The following IREB2 variants were observed in gnomAD, a reference collection of about 807,000 sequenced individuals.
IREB2 encodes iron-responsive element-binding protein 2.
In IREB2, 39 loss-of-function variants were observed where a neutral mutation model predicts 118.8. The ratio of observed to expected loss-of-function variants is 0.33; its 90% CI spans 0.25 to 0.43. The LOEUF (loss-of-function observed/expected upper bound fraction) is 0.43, where lower values mean the gene tolerates loss of function less well. Ranked by LOEUF, IREB2 falls within the 20% of genes least tolerant of loss-of-function variation. The pLI is 1.00. For synonymous variants in IREB2, 372 were observed against 392.2 expected (o/e 0.95, Z 0.61); for missense variants, 900 against 1,147.3 (o/e 0.78, Z 3.11).
Position 78,473,228 on chromosome 15 carries a change from C to G in IREB2, c.884-14C>G. On this transcript the variant is annotated splice_polypyrimidine_tract_variant and intron_variant, in intron 7 of 21. Transcript: ENST00000258886. ...AAATATACTGTGCTAATATACCTGTCTTTATTACGTTAGGGGTTGGAGGCA... is the reference window on the plus strand; with the variant it reads ...AAATATACTGTGCTAATATACCTGTGTTTATTACGTTAGGGGTTGGAGGCA... 1 of 1,611,524 alleles carries G rather than the reference C, an allele frequency of 6.2e-7. No individual in the cohort carries two copies. Among genetic ancestry groups the G allele is most frequent in the Non-Finnish European group, 8.5e-7 (1 of 1,178,280 alleles).
intron 2 of IREB2, among the ~76,000 whole-genome samples, chr15:78,457,147 A>G (rs2051119456): frequency 6.6e-6 from 1 of 152,114 alleles, no homozygotes. Context: ...TTAGTACTCT[A>G]TGTCCTTATG....
Position 78,485,785 on chromosome 15 carries a change from A to G in IREB2, c.1654A>G (p.Met552Val). 6.2e-7 allele frequency: 1 copy of G among 1,613,906 alleles called. No individual in the cohort carries two copies. Among genetic ancestry groups the G allele is most frequent in the Non-Finnish European group, 8.5e-7 (1 of 1,179,800 alleles). ...IRTSLSPGSGMVTHYLSSSGV... is the reference protein window; with the variant it reads ...IRTSLSPGSGVVTHYLSSSGV... ...AACAAGTTTATCTCCAGGCAGTGGG[A>G]TGGTTACACATTACCTCAGTTCAAG... Residue 552 changes from methionine (M) to valine (V), a missense_variant, in exon 13 of 22, where the codon ATG (methionine) becomes GTG (valine). Physicochemically the swap from Met to Val is conservative, Grantham distance 21 (BLOSUM62 1). Coordinates refer to ENST00000258886, the MANE Select transcript of IREB2 (RefSeq NM_004136.4).
Position 78,483,269 on chromosome 15 carries a change from G to A in IREB2, c.1297-49G>A, listed in dbSNP as rs367906774. The A allele has an allele frequency of 6.2e-5, 54 of 873,946 alleles. No homozygotes were observed. The Middle Eastern group carries it at 1.1e-3, about 18-fold the overall frequency. 54.1% of individuals were successfully genotyped at this position (873,946 alleles called of 1,614,324 possible). The stretch of plus-strand genomic sequence containing the variant: ...AGTAATGCTTCAATTGGAATCTGTC[G>A]TAAGGAATTAATTCTAATTCCTTGT... On this transcript the variant is annotated intron_variant, in intron 10 of 21. Coordinates refer to ENST00000258886, the MANE Select transcript of IREB2 (RefSeq NM_004136.4).
At position 78,438,263 on chromosome 15, in the gene IREB2, C is replaced by A. The variant is rs541886386; in HGVS notation, c.-75C>A. ...CCTTGCCAGTCCGCCTGTCTTCCTC[C>A]CCGTCTTCCCTGCCCGGCCTCCCCC... On this transcript the variant is annotated 5_prime_UTR_variant, in exon 1 of 22. Coordinates refer to ENST00000258886, the MANE Select transcript of IREB2 (RefSeq NM_004136.4). 7 of 1,176,410 alleles carry A rather than the reference C, an allele frequency of 6.0e-6. No homozygotes were observed. Among genetic ancestry groups the A allele is most frequent in the African/African-American group, 3.0e-5 (2 of 66,210 alleles). 72.9% of individuals were successfully genotyped at this position (1,176,410 alleles called of 1,614,324 possible).
At position 78,488,767 on chromosome 15, in the gene IREB2, TAGA is replaced by T. The variant is rs1338926842; in HGVS notation, c.2075_2076+1del. On this transcript the variant is annotated inframe_deletion and splice_region_variant, in exon 16 of 22. Coordinates refer to ENST00000258886, the MANE Select transcript of IREB2 (RefSeq NM_004136.4). ...ATGTTTAAAGCATTAAAAGATAAAA[TAGA>T]AGTAAGAGTCTTATGTGTTTCTTAA... is the stretch of plus-strand genomic sequence containing the variant. 1.3e-6 allele frequency: 2 copies of T among 1,492,016 alleles called. No homozygotes were observed. Among genetic ancestry groups the T allele is most frequent in the South Asian group, 2.4e-5 (2 of 84,876 alleles). The allele number at this position is 1,492,016 out of a possible 1,614,324, so 92.4% of individuals were successfully genotyped here. A position where few individuals can be genotyped will look rare whatever the true frequency, so the allele number is the denominator to read the frequency against.
chr15:78,448,552 C>T (rs1326663611), intron 2 of IREB2, among the ~76,000 whole-genome samples: 1 of 152,188 alleles, frequency 6.6e-6, no homozygotes, highest in African/African-American at 2.4e-5. Flanking sequence ...TATTGGAAAT[C>T]AGCCCTATCC....
chr15:78,478,292 T>C lies in IREB2; in HGVS notation c.1196-5T>C. On this transcript the variant is annotated splice_region_variant and splice_polypyrimidine_tract_variant and intron_variant, in intron 9 of 21. Coordinates refer to ENST00000258886, the MANE Select transcript of IREB2 (RefSeq NM_004136.4). ...ATTTTGTTGTTTTGTTCATCTTCGTTTTAGGTTTTAGCAAAGCCAAACTCG... is the reference window on the plus strand; with the variant it reads ...ATTTTGTTGTTTTGTTCATCTTCGTCTTAGGTTTTAGCAAAGCCAAACTCG... The C allele has an allele frequency of 6.3e-7, 1 of 1,584,984 alleles. No individual in the cohort carries two copies.
chr15:78,451,871 C>T (rs2051031955), intron 2 of IREB2, among the ~76,000 whole-genome samples: 1 of 152,086 alleles, frequency 6.6e-6, no homozygotes, highest in Admixed American at 6.5e-5. Context: ...CCATGTTGGT[C>T]AGGCTGGTCT....
At chr15:78,495,858 GAC>G (rs1248652444) in intron 20 of IREB2, among the ~76,000 whole-genome samples, 3 of 152,156 alleles carry the variant, frequency 2.0e-5, no homozygotes, top group Non-Finnish European at 4.4e-5. Flanking sequence ...TGAACAGGAA[GAC>G]ACAATTTGGG....
intron 10 of IREB2, among the ~76,000 whole-genome samples, chr15:78,480,464 C>T (rs35031105): frequency 0.24 from 35,327 of 149,404 alleles, 4,318 homozygotes; most frequent in Admixed American, 0.36. Context: ...CAGATCACCT[C>T]CTGAGGTCAG....
chr15:78,491,868 GTTTCC>G (rs1351145010), intron 18 of IREB2, among the ~76,000 whole-genome samples: 1 of 152,054 alleles, frequency 6.6e-6, no homozygotes, highest in East Asian at 1.9e-4. Context: ...TGAGAAATAA[GTTTCC>G]TTTCCTGTAA....
chr15:78,490,860 C>G, intron 18 of IREB2, 99 bp downstream of exon 18: 2 of 1,136,478 alleles, frequency 1.8e-6, no homozygotes, highest in Non-Finnish European at 1.3e-6. Context: ...TAAATACATG[C>G]TATCGTAGGT....
intron 6 of IREB2, among the ~76,000 whole-genome samples, chr15:78,471,270 A>G (rs1465967198): frequency 6.6e-6 from 1 of 152,208 alleles, no homozygotes; most frequent in Non-Finnish European, 1.5e-5. Flanking sequence ...TGGCCTCCCA[A>G]AGTGCTGCGA....
chr15:78,489,222 C>CAA (rs5813920), intron 16 of IREB2, among the ~76,000 whole-genome samples: 16 of 120,802 alleles, frequency 1.3e-4, no homozygotes, highest in Non-Finnish European at 1.8e-4. Context: ...AACTCTGTCT[C>CAA]AAAAAAAAAA....
At chr15:78,440,945 T>C (rs1002789314) in intron 2 of IREB2, among the ~76,000 whole-genome samples, 2 of 152,216 alleles carry the variant, frequency 1.3e-5, no homozygotes, top group Non-Finnish European at 2.9e-5. Context: ...ATTGGGCCAA[T>C]AGAGAGACCT....
chr15:78,469,435 G>T (rs74938044), intron 5 of IREB2, among the ~76,000 whole-genome samples: 2 of 151,254 alleles, frequency 1.3e-5, no homozygotes, highest in Non-Finnish European at 3.0e-5. Context: ...AAAAAAAAAA[G>T]TTGTCCGAGT....
chr15:78,439,770 A>G (rs776933774), intron 1 of IREB2, 25 bp from the exon 2 acceptor site: 3 of 1,304,790 alleles, frequency 2.3e-6, no homozygotes, highest in Non-Finnish European at 3.3e-6. Context: ...TGCTGCATTT[A>G]ATGAAAATAC....
rs899543639 is a variant in IREB2 at position 78,500,716 on chromosome 15, A to G, written c.*2573A>G. 7 of 152,178 alleles carry G rather than the reference A, an allele frequency of 4.6e-5. No homozygotes were observed. Among genetic ancestry groups the G allele is most frequent in the Non-Finnish European group, 1.0e-4 (7 of 68,026 alleles). 9.4% of individuals were successfully genotyped at this position (152,178 alleles called of 1,614,324 possible). ...CATATTTTGGGGTTTTGCTACTCTT[A>G]TACAATGGAATCAATGGAAATGTCA... On this transcript the variant is annotated 3_prime_UTR_variant, in exon 22 of 22. Transcript: ENST00000258886.
intron 8 of IREB2, chr15:78,475,057 G>A (rs1424152010): frequency 1.5e-5 from 1 of 66,438 alleles, no homozygotes; most frequent in Non-Finnish European, 2.4e-5. Context: ...GCGAGACTCT[G>A]TCTCAAAAAA....
Sources: allele counts gnomAD v4.1 joint callset (sites outside exome capture counted in the v4.1 genomes callset), GRCh38; gene constraint gnomAD v4.1.1; transcripts MANE v1.5; gene names NCBI Gene and HGNC (gene_info 2026-07-23, HGNC 2026-07-21).